The following MGAM2 variants were observed in gnomAD, a reference collection of about 807,000 sequenced individuals.
MGAM2 encodes probable maltase-glucoamylase 2.
Under a neutral mutation model 96.1 loss-of-function variants are expected in MGAM2, and 98 were observed. The ratio of observed to expected loss-of-function variants is 1.02; its 90% CI spans 0.87 to 1.21. The LOEUF (loss-of-function observed/expected upper bound fraction) is 1.21. MGAM2 is among the 50% of genes most tolerant of loss of function. The pLI is 0.00. For missense variants in MGAM2, 2,055 were observed against 1,182.4 expected, an observed-to-expected ratio of 1.74 and a Z score of -10.82; for synonymous variants, 749 against 414.8, an observed-to-expected ratio of 1.81 and a Z score of -9.79.
intron 45 of MGAM2, among the ~76,000 whole-genome samples, chr7:142,205,174 T>C (rs532430722): frequency 6.6e-6 from 1 of 152,278 alleles, no homozygotes; most frequent in African/African-American, 2.4e-5. Context: ...TGTCAGATCA[T>C]GACAAGTGCT....
Position 142,172,759 on chromosome 7 carries a change from A to T in MGAM2, c.3556A>T (p.Thr1186Ser). The T allele has an allele frequency of 1.4e-6, 1 of 700,672 alleles. No individual in the cohort carries two copies. Among genetic ancestry groups the T allele is most frequent in the Non-Finnish European group, 2.6e-6 (1 of 384,288 alleles). The allele number at this position is 700,672 out of a possible 1,614,324, so 43.4% of individuals were successfully genotyped here. The change falls in exon 30 of 48, where the codon ACA becomes TCA. Residue 1186 changes from threonine to serine, a missense_variant. By Grantham distance (58) the Thr-to-Ser change is moderately conservative. Coordinates refer to ENST00000477922, the MANE Select transcript of MGAM2 (RefSeq NM_001293626.2). Reference protein sequence around the residue: ...PTPELVTQQYTELIGRPAMIP... With the variant: ...PTPELVTQQYSELIGRPAMIP... ...CCCTGAACTTGTAACTCAGCAATACACAGAGGTTAGAAGCCATTCTGTCCA... is the reference window on the plus strand; with the variant it reads ...CCCTGAACTTGTAACTCAGCAATACTCAGAGGTTAGAAGCCATTCTGTCCA...
rs1473508418 is a variant in MGAM2 at position 142,221,188 on chromosome 7, C to CTGATGA, written c.6682_6683insATGATG (p.Asp2227_Val2228insAspAsp). The CTGATGA allele has an allele frequency of 2.1e-5, 15 of 702,528 alleles. No individual in the cohort carries two copies. The East Asian group carries it at 4.0e-4, about 19-fold the overall frequency. The allele number at this position is 702,528 out of a possible 1,614,324, so 43.5% of individuals were successfully genotyped here. ...ATGGCAACTACTTCTCCTACAAGTA[C>CTGATGA]TGATGTTGCTAGCACAAATAATGAT... On this transcript the variant is annotated inframe_insertion, in exon 48 of 48. Coordinates refer to ENST00000477922, the MANE Select transcript of MGAM2 (RefSeq NM_001293626.2).
rs1235073899 is a variant in MGAM2, at chr7:142,160,198, T to C, written c.2285T>C (p.Leu762Pro). ...NMLLPGDKIG[L>P]HLRGGYIFPT... is the part of the protein sequence containing the mutation. Reference sequence around the variant, plus strand: ...CTTCTCCCAGGTGACAAGATAGGACTTCATCTGCGAGGGGGCTACATATTT... The same window carrying C: ...CTTCTCCCAGGTGACAAGATAGGACCTCATCTGCGAGGGGGCTACATATTT... The change falls in exon 21 of 48, where the codon CTT becomes CCT. Residue 762 changes from leucine (L) to proline (P), a missense_variant. Leu to Pro is a moderately conservative substitution (Grantham distance 98). Transcript: ENST00000477922. The C allele has an allele frequency of 2.8e-6, 2 of 702,578 alleles. No homozygotes were observed. Among genetic ancestry groups the C allele is most frequent in the Non-Finnish European group, 5.2e-6 (2 of 384,848 alleles). 43.5% of individuals were successfully genotyped at this position (702,578 alleles called of 1,614,324 possible).
At chr7:142,155,462 A>G (rs985827954) in intron 17 of MGAM2, among the ~76,000 whole-genome samples, 2 of 152,236 alleles carry the variant, frequency 1.3e-5, no homozygotes, top group African/African-American at 2.4e-5. Context: ...CTTTTAATAA[A>G]GTAATCTTAA....
At chr7:142,179,829 T>A (rs1393156929) in intron 32 of MGAM2, among the ~76,000 whole-genome samples, 1 of 152,094 alleles carries the variant, frequency 6.6e-6, no homozygotes, top group Non-Finnish European at 1.5e-5. Flanking sequence ...TTTTCTTTCT[T>A]TATTGTCTCT....
intron 24 of MGAM2, among the ~76,000 whole-genome samples, chr7:142,165,554 T>G (rs1796005792): frequency 6.6e-6 from 1 of 152,192 alleles, no homozygotes; most frequent in Non-Finnish European, 1.5e-5. Flanking sequence ...CCTTCCATGT[T>G]GACAAGACCT....
rs141861625 is a variant in MGAM2 at position 142,126,021 on chromosome 7, T to C, written c.187-4927T>C. Among the ~76,000 whole-genome samples, 653 of 152,284 alleles carry C rather than the reference T, an allele frequency of 4.3e-3. 4 individuals carry two copies. Among genetic ancestry groups the C allele is most frequent in the Middle Eastern group, 0.024 (7 of 294 alleles). On this transcript the variant is annotated intron_variant, in intron 3 of 47. Transcript: ENST00000477922. ...CTTTTGCATCTATATATTTATTTTG[T>C]TTTAACGAAAATTTGATTATACTAT...
At chr7:142,119,243 G>T (rs551444629) in intron 2 of MGAM2, among the ~76,000 whole-genome samples, 1 of 151,878 alleles carries the variant, frequency 6.6e-6, no homozygotes, top group African/African-American at 2.4e-5. Flanking sequence ...AAAAAAAAAG[G>T]TTTCTAAATG....
intron 10 of MGAM2, among the ~76,000 whole-genome samples, chr7:142,140,224 G>A (rs1795180897): frequency 6.6e-6 from 1 of 152,128 alleles, no homozygotes; most frequent in African/African-American, 2.4e-5. Context: ...AAATGTCACT[G>A]AACTCCCCTA....
At chr7:142,176,455 T>TTG (rs200879756) in intron 32 of MGAM2, among the ~76,000 whole-genome samples, 16 of 144,700 alleles carry the variant, frequency 1.1e-4, no homozygotes, top group African/African-American at 1.5e-4. Flanking sequence ...CTTCTACAAG[T>TTG]TGTGTGTGTG....
chr7:142,180,820 G>A (rs1796515185), intron 32 of MGAM2, among the ~76,000 whole-genome samples: 1 of 152,052 alleles, frequency 6.6e-6, no homozygotes, highest in African/African-American at 2.4e-5. Flanking sequence ...CCTCAGCTTG[G>A]TCTATTCTGT....
chr7:142,176,570 A>G (rs1426722137), intron 32 of MGAM2, among the ~76,000 whole-genome samples: 1 of 152,226 alleles, frequency 6.6e-6, no homozygotes, highest in Non-Finnish European at 1.5e-5. Context: ...CTGAAAAGAT[A>G]ATTTCAGACA....
chr7:142,142,544 T>C, intron 12 of MGAM2, among the ~76,000 whole-genome samples: 1 of 145,218 alleles, frequency 6.9e-6, no homozygotes, highest in Non-Finnish European at 1.5e-5. Context: ...TTTTTTTTTT[T>C]TTTTGAGATG....
At chr7:142,213,048 CT>C (rs1377010988) in intron 46 of MGAM2, among the ~76,000 whole-genome samples, 13 of 152,280 alleles carry the variant, frequency 8.5e-5, no homozygotes, top group Non-Finnish European at 5.9e-5. Flanking sequence ...AACCACACAA[CT>C]ACAGGGAAAC....
rs150772808 is a variant in MGAM2 at position 142,120,419 on chromosome 7, T to A, written c.186+38T>A. The A allele has an allele frequency of 2.1e-3, 1,500 of 698,924 alleles. 6 individuals are homozygous for A. The highest frequency in any genetic ancestry group is 3.2e-3 in the Non-Finnish European group (1,230 of 383,032). 43.3% of individuals were successfully genotyped at this position (698,924 alleles called of 1,614,324 possible). A position where few individuals can be genotyped will look rare whatever the true frequency, so the allele number is the denominator to read the frequency against. ...AGGTCCCTTTTGGTGGCCTACAGGG[T>A]GTTATTGAAAAGAAATGAATATGTG... On this transcript the variant is annotated intron_variant, in intron 3 of 47. Transcript: ENST00000477922.
chr7:142,152,158 CCTTT>C (rs1193292973), intron 15 of MGAM2, among the ~76,000 whole-genome samples: 2 of 131,346 alleles, frequency 1.5e-5, no homozygotes, highest in East Asian at 5.3e-4. Context: ...TAAGACTGTT[CCTTT>C]AAGATGTTTA....
rs1327848879 is a variant in MGAM2 at position 142,221,961 on chromosome 7, T to C, written c.7450T>C (p.Tyr2484His). ...CACAGATACTACAAATATTACAAAATATGCTTTAAATACTACCACTCCTGA... is the reference window on the plus strand; with the variant it reads ...CACAGATACTACAAATATTACAAAACATGCTTTAAATACTACCACTCCTGA... The part of the protein sequence containing the change: ...ATTDTTNITK[Y>H]ALNTTTPDST... The change falls in exon 48 of 48, where the codon TAT becomes CAT. Residue 2484 changes from tyrosine (Y) to histidine (H), a missense_variant. Coordinates refer to ENST00000477922, the MANE Select transcript of MGAM2 (RefSeq NM_001293626.2). The C allele has an allele frequency of 2.5e-6, 1 of 399,240 alleles. No homozygotes were observed. The highest frequency in any genetic ancestry group is 2.1e-5 in the African/African-American group (1 of 48,598). The allele number at this position is 399,240 out of a possible 1,614,324, so 24.7% of individuals were successfully genotyped here.
At chr7:142,215,432 A>T in intron 46 of MGAM2, among the ~76,000 whole-genome samples, 1 of 151,680 alleles carries the variant, frequency 6.6e-6, no homozygotes. Context: ...TGTTCTGCAC[A>T]TGTATCCCAG....
chr7:142,218,220 A>G (rs1797822501), intron 46 of MGAM2, 141 bp from the exon 47 acceptor site: 1 of 479,142 alleles, frequency 2.1e-6, no homozygotes, highest in Non-Finnish European at 3.6e-6. Context: ...ATTATTATGT[A>G]TCAATAAAAA....
Sources: allele counts gnomAD v4.1 joint callset (sites outside exome capture counted in the v4.1 genomes callset), GRCh38; gene constraint gnomAD v4.1.1; transcripts MANE v1.5; gene names NCBI Gene and HGNC (gene_info 2026-07-23, HGNC 2026-07-21).